The following EYS variants were observed in gnomAD, a reference collection of about 807,000 sequenced individuals.
EYS encodes the protein protein eyes shut homolog.
EYS carries 250 observed loss-of-function variants against 282.1 expected under a neutral mutation model. The ratio of observed to expected loss-of-function variants is 0.89; its 90% CI spans 0.80 to 0.98. The LOEUF (loss-of-function observed/expected upper bound fraction) is 0.98, where lower values mean the gene tolerates loss of function less well. Ranked by LOEUF, EYS falls within the 50% of genes least tolerant of loss-of-function variation. EYS has a pLI of 0.00. For synonymous variants in EYS, 1,355 were observed against 1,282.9 expected (o/e 1.06, Z -1.20); for missense variants, 4,016 against 3,709.0 (o/e 1.08, Z -2.15).
chr6:64,768,106 T>G (rs1021068435), intron 22 of EYS, among the ~76,000 whole-genome samples: 1 of 152,124 alleles, frequency 6.6e-6, no homozygotes, highest in Admixed American at 6.6e-5. Flanking sequence ...GAAATAAAAT[T>G]TAAATTAACC....
At chr6:65,422,461 T>C (rs1017537628) in intron 5 of EYS, among the ~76,000 whole-genome samples, 14 of 151,926 alleles carry the variant, frequency 9.2e-5, no homozygotes, top group East Asian at 5.8e-4. Context: ...TTTTAGAAAA[T>C]CTGTGAATAT....
At chr6:65,690,053 G>C (rs1205861149) in intron 1 of EYS, among the ~76,000 whole-genome samples, 1 of 150,042 alleles carries the variant, frequency 6.7e-6, no homozygotes, top group African/African-American at 2.4e-5. Flanking sequence ...AGGTGAGATG[G>C]TCACATGGGG....
chr6:64,344,408 A>C (rs557283294), intron 29 of EYS, among the ~76,000 whole-genome samples: 4 of 152,080 alleles, frequency 2.6e-5, no homozygotes, highest in East Asian at 1.9e-4. Flanking sequence ...TCAACATACG[A>C]AAATCAATAA....
intron 14 of EYS, among the ~76,000 whole-genome samples, chr6:64,983,838 T>A (rs1421434022): frequency 6.6e-6 from 1 of 151,352 alleles, no homozygotes; most frequent in Non-Finnish European, 1.5e-5. Flanking sequence ...AGAAAAGTCA[T>A]AAAACCATGA....
intron 13 of EYS, among the ~76,000 whole-genome samples, chr6:65,025,925 G>A (rs1358444311): frequency 6.6e-6 from 1 of 152,136 alleles, no homozygotes; most frequent in South Asian, 2.1e-4. Context: ...AATACAGTGA[G>A]TCACTCATAC....
chr6:64,251,398 G>T (rs59340050), intron 30 of EYS, among the ~76,000 whole-genome samples: 99 of 152,184 alleles, frequency 6.5e-4, no homozygotes, highest in African/African-American at 2.0e-3. Context: ...AATAGCTAGG[G>T]TTGCTTCTGA....
At chr6:63,827,850 CAAAAAAAAA>C (rs58843584) in intron 36 of EYS, among the ~76,000 whole-genome samples, 27 of 85,052 alleles carry the variant, frequency 3.2e-4, no homozygotes, top group African/African-American at 1.1e-3. Flanking sequence ...GACTCCGTCT[CAAAAAAAAA>C]AAAAAAAAAA....
In EYS at chr6:65,254,132, C is replaced by A. The variant is rs566151099; in HGVS notation, c.2023+41731G>T. Among the ~76,000 whole-genome samples, 9 of 151,878 alleles carry A rather than the reference C, an allele frequency of 5.9e-5. No homozygotes were observed. In the East Asian group the frequency reaches 1.4e-3, roughly 23 times the overall value. On this transcript the variant is annotated intron_variant, in intron 12 of 42. Transcript: ENST00000503581. ...GCATTTATTTTGATACACAGATTTA[C>A]TTTTATCTCTTAGAACTTTTTCAAA...
In EYS at chr6:65,058,792, A is replaced by G. The variant is rs1561944729; in HGVS notation, c.2024-1065T>C. Among the ~76,000 whole-genome samples the G allele has an allele frequency of 5.0e-5, 7 of 140,404 alleles. 1 individual carries two copies. In the Admixed American group the frequency reaches 5.2e-4, roughly 10 times the overall value. The allele number at this position is 140,404 out of a possible 152,430, so 92.1% of individuals were successfully genotyped here. A position where few individuals can be genotyped will look rare whatever the true frequency, so the allele number is the denominator to read the frequency against. ...CCAACAGTTGAAAATCATAGCCTCA[A>G]CTGACACTGAATTGATTTTTATCAC... On this transcript the variant is annotated intron_variant, in intron 12 of 42. Coordinates refer to ENST00000503581, the MANE Select transcript of EYS (RefSeq NM_001142800.2).
chr6:65,349,622 G>A (rs1421734556), intron 9 of EYS, among the ~76,000 whole-genome samples: 1 of 151,342 alleles, frequency 6.6e-6, no homozygotes, highest in Admixed American at 6.6e-5. Flanking sequence ...ACCAAATCTA[G>A]CTAATTAACA....
At chr6:65,498,344 A>T (rs1766327709) in intron 2 of EYS, among the ~76,000 whole-genome samples, 1 of 152,098 alleles carries the variant, frequency 6.6e-6, no homozygotes, top group African/African-American at 2.4e-5. Context: ...GCACAGGTGT[A>T]TTATTTTCCC....
chr6:65,433,426 A>G (rs373695980), intron 5 of EYS, among the ~76,000 whole-genome samples: 5 of 152,162 alleles, frequency 3.3e-5, no homozygotes, highest in Non-Finnish European at 5.9e-5. Context: ...TTTAAAAAAA[A>G]CAGAATGCTT....
intron 35 of EYS, among the ~76,000 whole-genome samples, chr6:63,975,399 A>C (rs1474993891): frequency 6.6e-6 from 1 of 152,044 alleles, no homozygotes; most frequent in Non-Finnish European, 1.5e-5. Flanking sequence ...TATTTTAATC[A>C]GACAGATTTA....
intron 12 of EYS, among the ~76,000 whole-genome samples, chr6:65,219,051 C>A (rs950296635): frequency 6.6e-6 from 1 of 151,948 alleles, no homozygotes; most frequent in Non-Finnish European, 1.5e-5. Context: ...TCTCAGCAAG[C>A]CTTAATTTAC....
intron 12 of EYS, among the ~76,000 whole-genome samples, chr6:65,261,673 G>C (rs960420394): frequency 6.6e-6 from 1 of 152,018 alleles, no homozygotes; most frequent in Non-Finnish European, 1.5e-5. Flanking sequence ...GTCATGGCTT[G>C]AGCCTAAGTT....
At chr6:63,923,447 T>G (rs1764627943) in intron 35 of EYS, among the ~76,000 whole-genome samples, 1 of 152,190 alleles carries the variant, frequency 6.6e-6, no homozygotes, top group Admixed American at 6.5e-5. Context: ...AGGTTATATT[T>G]CTTTTTTAAA....
At chr6:64,187,710 C>T (rs1284623451) in intron 31 of EYS, among the ~76,000 whole-genome samples, 1 of 151,942 alleles carries the variant, frequency 6.6e-6, no homozygotes, top group Non-Finnish European at 1.5e-5. Context: ...GAGGAGAAAC[C>T]AGGAAGCAAT....
intron 15 of EYS, among the ~76,000 whole-genome samples, chr6:64,933,908 C>T (rs1184512466): frequency 6.6e-6 from 1 of 152,070 alleles, no homozygotes; most frequent in East Asian, 1.9e-4. Flanking sequence ...TGCATGTTCT[C>T]ACTCGTAAGT....
chr6:65,444,039 G>C (rs1209246375), intron 5 of EYS, among the ~76,000 whole-genome samples: 1 of 151,682 alleles, frequency 6.6e-6, no homozygotes, highest in African/African-American at 2.4e-5. Context: ...TTAAAAGTAA[G>C]GTCCCTGTGT....
Sources: gnomAD v4.1 joint callset for allele counts (sites outside exome capture counted in the v4.1 genomes callset) on GRCh38, gnomAD v4.1.1 for gene constraint, MANE v1.5 for transcripts, NCBI Gene and HGNC (gene_info 2026-07-23, HGNC 2026-07-21) for gene names.